Variants in YAP1 observed in about 807,000 individuals in gnomAD.
YAP1 encodes the protein transcriptional coactivator YAP1.
A neutral mutation model predicts 56.9 loss-of-function variants in YAP1; 5 were observed. The ratio of observed to expected loss-of-function variants is 0.09; its 90% CI spans 0.05 to 0.18. The LOEUF (loss-of-function observed/expected upper bound fraction) is 0.18, where lower values mean the gene tolerates loss of function less well. Ranked by LOEUF, YAP1 falls within the 10% of genes least tolerant of loss-of-function variation. The pLI, the probability that YAP1 is intolerant of heterozygous loss-of-function variation, is 1.00. For missense variants in YAP1, 539 were observed against 651.8 expected (o/e 0.83, Z 1.88); for synonymous variants, 265 against 248.1 (o/e 1.07, Z -0.64).
chr11:102,222,343 G>A (rs1228598412), intron 6 of YAP1, among the ~76,000 whole-genome samples: 2 of 152,194 alleles, frequency 1.3e-5, no homozygotes, highest in African/African-American at 2.4e-5. Flanking sequence ...TGATGTTTAC[G>A]ATAGGTGGAG....
chr11:102,173,706 C>T (rs772179252), intron 3 of YAP1, among the ~76,000 whole-genome samples: 35 of 152,110 alleles, frequency 2.3e-4, no homozygotes, highest in Non-Finnish European at 3.7e-4. Flanking sequence ...AATATTGGAT[C>T]GATCCAAGAT....
At chr11:102,150,802 G>GTGTTTTT (rs1945596023) in intron 2 of YAP1, among the ~76,000 whole-genome samples, 1 of 108,050 alleles carries the variant, frequency 9.3e-6, no homozygotes, top group Admixed American at 1.1e-4. Flanking sequence ...CATACAAATG[G>GTGTTTTT]TTTTTTTTTT....
chr11:102,150,650 A>G (rs913171317), intron 2 of YAP1, among the ~76,000 whole-genome samples: 2 of 152,158 alleles, frequency 1.3e-5, no homozygotes, highest in African/African-American at 4.8e-5. Flanking sequence ...TATGGCTTAC[A>G]GTAACTTAAA....
chr11:102,169,549 CAG>C (rs1184000597), intron 3 of YAP1, among the ~76,000 whole-genome samples: 1 of 152,170 alleles, frequency 6.6e-6, no homozygotes, highest in Non-Finnish European at 1.5e-5. Context: ...AGCCCAAAGT[CAG>C]AGCAATGAAG....
intron 3 of YAP1, among the ~76,000 whole-genome samples, chr11:102,175,444 C>A (rs573688154): frequency 5.9e-5 from 9 of 152,236 alleles, no homozygotes; most frequent in Admixed American, 5.2e-4. Flanking sequence ...GTATAGACTG[C>A]CTTTTCTTCA....
chr11:102,162,355 A>G (rs929154447), intron 2 of YAP1, 101 bp from the exon 3 acceptor site: 5 of 940,866 alleles, frequency 5.3e-6, no homozygotes, highest in Admixed American at 5.3e-5. Context: ...TAATGCTTTT[A>G]CAGAGCTCGC....
At position 102,139,072 on chromosome 11, in the gene YAP1, A is replaced by G. The variant is rs555061980; in HGVS notation, c.573-23384A>G. ...AAACAAGTTTTTTTTTTTTCTCTTC[A>G]TGAAATTGAGTGATTATAAAAACTG... On this transcript the variant is annotated intron_variant, in intron 2 of 8. Coordinates refer to ENST00000282441, the MANE Select transcript of YAP1 (RefSeq NM_001130145.3). Among the ~76,000 whole-genome samples the G allele has an allele frequency of 3.3e-5, 5 of 151,092 alleles. No individual in the cohort carries two copies. The East Asian group carries it at 7.7e-4, about 23-fold the overall frequency.
chr11:102,112,383 T>C lies in YAP1; in HGVS notation c.321+1214T>C, dbSNP rs140536282. On this transcript the variant is annotated intron_variant, in intron 1 of 8. Coordinates refer to ENST00000282441, the MANE Select transcript of YAP1 (RefSeq NM_001130145.3). Reference sequence around the variant, plus strand: ...CCAATAGGTCCCAGTGGATTTGTTTTGTGTAGGGTTCTCTCTTTTTCTTTC... The same window carrying C: ...CCAATAGGTCCCAGTGGATTTGTTTCGTGTAGGGTTCTCTCTTTTTCTTTC... 4 of 976,702 alleles carry C rather than the reference T, an allele frequency of 4.1e-6. No homozygotes were observed. In the East Asian group the frequency reaches 4.6e-4, roughly 111 times the overall value. 60.5% of individuals were successfully genotyped at this position (976,702 alleles called of 1,614,324 possible).
At chr11:102,196,405 G>T (rs1948574280) in intron 4 of YAP1, among the ~76,000 whole-genome samples, 1 of 152,144 alleles carries the variant, frequency 6.6e-6, no homozygotes, top group African/African-American at 2.4e-5. Context: ...TGCAGTGCTT[G>T]ATACATATTA....
At chr11:102,121,256 A>G (rs1042113959) in intron 2 of YAP1, among the ~76,000 whole-genome samples, 9 of 152,084 alleles carry the variant, frequency 5.9e-5, no homozygotes, top group African/African-American at 2.2e-4. Flanking sequence ...TGGGCAATGT[A>G]GCAAGATCTC....
At chr11:102,187,752 TAC>T (rs556968195) in intron 4 of YAP1, among the ~76,000 whole-genome samples, 1 of 152,180 alleles carries the variant, frequency 6.6e-6, no homozygotes, top group Non-Finnish European at 1.5e-5. Context: ...GACTATTGAT[TAC>T]ACACACAGCT....
intron 3 of YAP1, among the ~76,000 whole-genome samples, chr11:102,177,234 G>A (rs1489593285): frequency 1.3e-5 from 2 of 152,132 alleles, no homozygotes; most frequent in Non-Finnish European, 2.9e-5. Context: ...CAGTACCGAA[G>A]CAGTGCTATA....
intron 6 of YAP1, among the ~76,000 whole-genome samples, chr11:102,214,456 T>C (rs1447827704): frequency 6.6e-6 from 1 of 152,198 alleles, no homozygotes; most frequent in Admixed American, 6.5e-5. Context: ...AATAATACCA[T>C]TGTTCAGAGC....
intron 3 of YAP1, among the ~76,000 whole-genome samples, chr11:102,175,204 A>G (rs1032223415): frequency 1.8e-4 from 27 of 152,286 alleles, no homozygotes; most frequent in Non-Finnish European, 8.8e-5. Context: ...GTTTGAGACC[A>G]GCCTGACCAA....
chr11:102,204,907 C>G (rs1250345444), intron 4 of YAP1, among the ~76,000 whole-genome samples: 1 of 152,090 alleles, frequency 6.6e-6, no homozygotes, highest in Non-Finnish European at 1.5e-5. Context: ...GCCATTGGGA[C>G]CTGGGGTTTT....
At chr11:102,181,694 T>C (rs1011353554) in intron 3 of YAP1, among the ~76,000 whole-genome samples, 5 of 152,248 alleles carry the variant, frequency 3.3e-5, no homozygotes, top group Non-Finnish European at 7.3e-5. Flanking sequence ...CTGTGTACTA[T>C]TCCCAGACCT....
At chr11:102,160,113 C>A (rs142067544) in intron 2 of YAP1, among the ~76,000 whole-genome samples, 2 of 150,656 alleles carry the variant, frequency 1.3e-5, no homozygotes, top group Non-Finnish European at 3.0e-5. Context: ...AACCTCTGCC[C>A]CCTGGGTTTA....
intron 2 of YAP1, among the ~76,000 whole-genome samples, chr11:102,128,975 T>G (rs1017858016): frequency 6.6e-6 from 1 of 152,024 alleles, no homozygotes; most frequent in African/African-American, 2.4e-5. Context: ...CGCTTCCCTA[T>G]CCCCAAACCC....
At chr11:102,153,688 A>G (rs1945788759) in intron 2 of YAP1, among the ~76,000 whole-genome samples, 1 of 152,096 alleles carries the variant, frequency 6.6e-6, no homozygotes, top group Non-Finnish European at 1.5e-5. Context: ...CTCCTAATAT[A>G]TTTGCTGTAC....
Sources: allele counts gnomAD v4.1 joint callset (sites outside exome capture counted in the v4.1 genomes callset), GRCh38; gene constraint gnomAD v4.1.1; transcripts MANE v1.5; gene names NCBI Gene and HGNC (gene_info 2026-07-23, HGNC 2026-07-21).